NXN: variants seen among roughly 807,000 people sequenced by gnomAD.
The protein encoded by NXN is nucleoredoxin.
Under a neutral mutation model 48.6 loss-of-function variants are expected in NXN, and 16 were observed. That is an observed-to-expected ratio of 0.33 (90% CI 0.22 to 0.50). The LOEUF (loss-of-function observed/expected upper bound fraction) is 0.50. Ranked by LOEUF, NXN falls within the 20% of genes least tolerant of loss-of-function variation. The pLI, the probability that NXN is intolerant of heterozygous loss-of-function variation, is 0.98. For synonymous variants in NXN, 281 were observed against 269.6 expected (o/e 1.04, Z -0.41); for missense variants, 492 against 605.5 (o/e 0.81, Z 1.97).
chr17:939,326 G>A (rs34869786), intron 1 of NXN, among the ~76,000 whole-genome samples: 42,802 of 149,662 alleles, frequency 0.29, 6,461 homozygotes, highest in South Asian at 0.38. Context: ...AAAATACCAC[G>A]TAACTATTAG....
At chr17:947,883 CAAAAAAAAA>C (rs71145800) in intron 1 of NXN, among the ~76,000 whole-genome samples, 1 of 119,256 alleles carries the variant, frequency 8.4e-6, no homozygotes, top group Non-Finnish European at 1.7e-5. Context: ...TACTGAAATA[CAAAAAAAAA>C]AAAAAAAAAT....
chr17:972,158 G>T (rs966164363), intron 1 of NXN, among the ~76,000 whole-genome samples: 1 of 152,108 alleles, frequency 6.6e-6, no homozygotes, highest in Non-Finnish European at 1.5e-5. Context: ...AAATTAGCCG[G>T]GCGTGGTGGC....
chr17:902,241 G>A lies in NXN; in HGVS notation c.361-76163C>T, dbSNP rs963741194. Among the ~76,000 whole-genome samples, 56 of 152,294 alleles carry A rather than the reference G, an allele frequency of 3.7e-4. 1 individual carries two copies. The highest frequency in any genetic ancestry group is 1.0e-3 in the African/African-American group (42 of 41,576). ...CACGACGGACCCACGTCCGCCGTCC[G>A]TTCCAGACATAAGCCAACGCTCGCT... On this transcript the variant is annotated intron_variant, in intron 1 of 7. Coordinates refer to ENST00000336868, the MANE Select transcript of NXN (RefSeq NM_022463.5).
chr17:890,123 T>C (rs976646717), intron 1 of NXN, among the ~76,000 whole-genome samples: 3 of 152,080 alleles, frequency 2.0e-5, no homozygotes, highest in South Asian at 2.1e-4. Flanking sequence ...GTGAACTCAG[T>C]GTCTGGACCT....
intron 1 of NXN, among the ~76,000 whole-genome samples, chr17:902,062 C>T (rs530804947): frequency 4.6e-5 from 7 of 152,280 alleles, no homozygotes; most frequent in African/African-American, 1.2e-4. Flanking sequence ...GACAGCCACA[C>T]GGTCCAGGGT....
At chr17:810,743 G>C (rs903760686) in intron 5 of NXN, among the ~76,000 whole-genome samples, 1 of 152,058 alleles carries the variant, frequency 6.6e-6, no homozygotes, top group East Asian at 1.9e-4. Flanking sequence ...TACAAAATTA[G>C]CTGGGCGTGG....
At chr17:925,410 C>T (rs935928515) in intron 1 of NXN, among the ~76,000 whole-genome samples, 1 of 152,120 alleles carries the variant, frequency 6.6e-6, no homozygotes, top group African/African-American at 2.4e-5. Flanking sequence ...CTGACTGAGA[C>T]AGAGTTTTGC....
At chr17:938,660 G>A (rs888759159) in intron 1 of NXN, among the ~76,000 whole-genome samples, 20 of 152,016 alleles carry the variant, frequency 1.3e-4, no homozygotes, top group African/African-American at 4.1e-4. Flanking sequence ...CTCCAGCCTG[G>A]GTGACAGAGT....
chr17:973,143 G>A (rs2069411250), intron 1 of NXN, among the ~76,000 whole-genome samples: 1 of 152,186 alleles, frequency 6.6e-6, no homozygotes, highest in African/African-American at 2.4e-5. Flanking sequence ...ATCAGCAAGA[G>A]CTGTGGACGG....
chr17:823,847 ACT>A, intron 2 of NXN, 82 bp from the exon 3 acceptor site: 1 of 1,464,314 alleles, frequency 6.8e-7, no homozygotes, highest in Non-Finnish European at 9.4e-7. Flanking sequence ...AGCGGTTAAG[ACT>A]CTTCTTGATG....
intron 5 of NXN, among the ~76,000 whole-genome samples, chr17:806,724 C>G (rs1357958300): frequency 1.3e-5 from 2 of 152,204 alleles, no homozygotes; most frequent in Non-Finnish European, 2.9e-5. Context: ...CGGGGGGATG[C>G]CGAGGTACCA....
chr17:818,764 A>G (rs1253221679), intron 5 of NXN, among the ~76,000 whole-genome samples: 2 of 151,844 alleles, frequency 1.3e-5, no homozygotes, highest in Admixed American at 6.6e-5. Context: ...GGGCGCCTGT[A>G]GTCCCAGCTA....
chr17:904,152 C>T (rs2068561342), intron 1 of NXN, among the ~76,000 whole-genome samples: 1 of 152,218 alleles, frequency 6.6e-6, no homozygotes, highest in Admixed American at 6.5e-5. Flanking sequence ...TCCGTACATG[C>T]CTCACCGCGT....
intron 1 of NXN, among the ~76,000 whole-genome samples, chr17:947,466 CTCACACCTGTAA>C (rs111643823): frequency 0.62 from 94,636 of 151,744 alleles, 30,317 homozygotes; most frequent in Non-Finnish European, 0.71. Flanking sequence ...GGCGTGGTGG[CTCACACCTGTAA>C]TCCCAGCAAT....
At chr17:861,289 A>G (rs1231804876) in intron 1 of NXN, among the ~76,000 whole-genome samples, 1 of 152,128 alleles carries the variant, frequency 6.6e-6, no homozygotes, top group African/African-American at 2.4e-5. Context: ...AAGTGCCACT[A>G]TGCTCGGCTA....
intron 1 of NXN, among the ~76,000 whole-genome samples, chr17:915,491 C>G (rs1315757667): frequency 4.3e-4 from 65 of 151,866 alleles, no homozygotes; most frequent in Admixed American, 2.6e-4. Context: ...TGCCATGTTG[C>G]CCAGACTGGT....
At chr17:892,742 A>C (rs2068436984) in intron 1 of NXN, among the ~76,000 whole-genome samples, 1 of 152,242 alleles carries the variant, frequency 6.6e-6, no homozygotes, top group African/African-American at 2.4e-5. Flanking sequence ...AAATGGTTCC[A>C]GAAGCCCAGG....
At chr17:815,101 A>C (rs2144618868) in intron 5 of NXN, among the ~76,000 whole-genome samples, 1 of 152,348 alleles carries the variant, frequency 6.6e-6, no homozygotes, top group South Asian at 2.1e-4. Flanking sequence ...TCTAGGTGCT[A>C]AAGCAAAGAA....
At chr17:832,320 G>A (rs1232304663) in intron 1 of NXN, among the ~76,000 whole-genome samples, 4 of 151,654 alleles carry the variant, frequency 2.6e-5, no homozygotes, top group Non-Finnish European at 5.9e-5. Context: ...TGGGACTACA[G>A]GTGCCCGCCA....
Sources: gnomAD v4.1 joint callset for allele counts (sites outside exome capture counted in the v4.1 genomes callset) on GRCh38, gnomAD v4.1.1 for gene constraint, MANE v1.5 for transcripts, NCBI Gene and HGNC (gene_info 2026-07-23, HGNC 2026-07-21) for gene names.